Variants in RAB36 observed in about 807,000 individuals in gnomAD.
The protein encoded by RAB36 is ras-related protein Rab-36.
In RAB36, 33 loss-of-function variants were observed where a neutral mutation model predicts 39.3. That is an observed-to-expected ratio of 0.84 (90% confidence interval 0.64 to 1.12). The LOEUF (loss-of-function observed/expected upper bound fraction) is 1.12. Among genes scored for constraint, RAB36 ranks in the 50% most tolerant of loss-of-function variants. The pLI, the probability that RAB36 is intolerant of heterozygous loss-of-function variation, is 0.00. For missense variants in RAB36, 308 were observed against 355.3 expected, an observed-to-expected ratio of 0.87 and a Z score of 1.07; for synonymous variants, 133 against 140.2, an observed-to-expected ratio of 0.95 and a Z score of 0.36.
chr22:23,146,999 A>G (rs922087042), intron 2 of RAB36, among the ~76,000 whole-genome samples: 2 of 152,226 alleles, frequency 1.3e-5, no homozygotes, highest in Admixed American at 1.3e-4. Context: ...TCAACCTCTC[A>G]GAGCCACTGT....
At position 23,164,663 on chromosome 22, in the gene RAB36, G is replaced by T. The variant is rs950200698; in HGVS notation, c.*3099G>T. Among the ~76,000 whole-genome samples, 6 of 152,186 alleles carry T rather than the reference G, an allele frequency of 3.9e-5. No individual in the cohort carries two copies. The highest frequency in any genetic ancestry group is 1.4e-4 in the African/African-American group (6 of 41,442). On this transcript the variant is annotated 3_prime_UTR_variant, in exon 11 of 11. Coordinates refer to ENST00000263116, the MANE Select transcript of RAB36 (RefSeq NM_004914.5). ...CAGGCAAGCAGCCCCCTGCAGCCAA[G>T]GTGCGGCAATGACCACAGTGACCGC... is the stretch of plus-strand genomic sequence containing the variant.
At position 23,162,091 on chromosome 22, in the gene RAB36, T is replaced by C. The variant is rs1240448331; in HGVS notation, c.*527T>C. 4 of 166,832 alleles carry C rather than the reference T, an allele frequency of 2.4e-5. No individual in the cohort carries two copies. The highest frequency in any genetic ancestry group is 2.3e-4 in the Admixed American group (4 of 17,578). 10.3% of individuals were successfully genotyped at this position (166,832 alleles called of 1,614,324 possible). ...AGTTTTCTGTTGTCAGCAGGACTTA[T>C]GGTTCTGGGTCTCAGAGCTTCAGGC... On this transcript the variant is annotated 3_prime_UTR_variant, in exon 11 of 11. Coordinates refer to ENST00000263116, the MANE Select transcript of RAB36 (RefSeq NM_004914.5).
intron 5 of RAB36, chr22:23,153,565 T>G (rs1470198962): frequency 1.0e-5 from 10 of 985,158 alleles, no homozygotes; most frequent in Non-Finnish European, 1.2e-5. Context: ...ATGCCAGGCT[T>G]GGGCAAGGAG....
rs2071955987 is a variant in RAB36 at position 23,163,874 on chromosome 22, A to C, written c.*2310A>C. 1 of 152,188 alleles carries C rather than the reference A, an allele frequency of 6.6e-6. No homozygotes were observed. Among genetic ancestry groups the C allele is most frequent in the Non-Finnish European group, 1.5e-5 (1 of 68,044 alleles). 9.4% of individuals were successfully genotyped at this position (152,188 alleles called of 1,614,324 possible). A position where few individuals can be genotyped will look rare whatever the true frequency, so the allele number is the denominator to read the frequency against. On this transcript the variant is annotated 3_prime_UTR_variant, in exon 11 of 11. Coordinates refer to ENST00000263116, the MANE Select transcript of RAB36 (RefSeq NM_004914.5). ...GGCGCCAAGGCCTCTCCCTGATGGCACACAAGGAGCCTCCTTCCTGTAGCA... is the reference window on the plus strand; with the variant it reads ...GGCGCCAAGGCCTCTCCCTGATGGCCCACAAGGAGCCTCCTTCCTGTAGCA...
At chr22:23,148,581 TAGTC>T (rs1269455882) in intron 2 of RAB36, among the ~76,000 whole-genome samples, 1 of 152,166 alleles carries the variant, frequency 6.6e-6, no homozygotes, top group African/African-American at 2.4e-5. Context: ...CTGCCCATAA[TAGTC>T]AGGGATCAAG....
intron 5 of RAB36, among the ~76,000 whole-genome samples, chr22:23,154,149 ACCTGGAGAAT>A (rs1319415788): frequency 1.3e-5 from 2 of 148,790 alleles, no homozygotes; most frequent in Non-Finnish European, 3.0e-5. Flanking sequence ...CTGCCCCGGC[ACCTGGAGAAT>A]GCTGCAGGCC....
rs910641067 is a variant in RAB36, at chr22:23,165,572, G to A, written c.*4008G>A. On this transcript the variant is annotated 3_prime_UTR_variant, in exon 11 of 11. Coordinates refer to ENST00000263116, the MANE Select transcript of RAB36 (RefSeq NM_004914.5). The stretch of plus-strand genomic sequence containing the variant: ...GGGCACAGGAAAGAATTGGACTTCG[G>A]GCAGAAAAATGTTTGTGCTATTTAG... Among the ~76,000 whole-genome samples, 3 of 152,186 alleles carry A rather than the reference G, an allele frequency of 2.0e-5. No homozygotes were observed. Among genetic ancestry groups the A allele is most frequent in the Non-Finnish European group, 4.4e-5 (3 of 68,036 alleles).
chr22:23,152,768 G>A (rs1334376134), intron 4 of RAB36, among the ~76,000 whole-genome samples: 3 of 152,176 alleles, frequency 2.0e-5, no homozygotes, highest in African/African-American at 7.2e-5. Context: ...CTGGGGCCAC[G>A]GGCTCTCCCC....
At chr22:23,167,373 T>C (rs2072069170), downstream of RAB36, among the ~76,000 whole-genome samples, 1 of 152,190 alleles carries the variant, frequency 6.6e-6, no homozygotes, top group Non-Finnish European at 1.5e-5. Context: ...CCAGCAGCCA[T>C]GGTTGACAGA....
intron 3 of RAB36, among the ~76,000 whole-genome samples, chr22:23,151,857 AG>A (rs2071151340): frequency 1.3e-5 from 2 of 152,210 alleles, no homozygotes; most frequent in South Asian, 4.1e-4. Context: ...CTCAAGCCAC[AG>A]CCCGGATGCA....
intron 6 of RAB36, among the ~76,000 whole-genome samples, chr22:23,157,208 C>T (rs1180299950): frequency 3.3e-5 from 5 of 151,878 alleles, no homozygotes; most frequent in Non-Finnish European, 7.4e-5. Context: ...ACCATCACTG[C>T]TGTAGCTGCT....
At position 23,157,932 on chromosome 22, in the gene RAB36, G is replaced by A. The variant is rs551440638; in HGVS notation, c.395-60G>A. On this transcript the variant is annotated intron_variant, in intron 6 of 10. Coordinates refer to ENST00000263116, the MANE Select transcript of RAB36 (RefSeq NM_004914.5). ...CCTTGGGAGCTGGGCACCTCCTGGG[G>A]AGCCCCCTTGCTCGCCTCGCCTGGC... The A allele has an allele frequency of 1.2e-4, 191 of 1,609,618 alleles. 2 individuals are homozygous for A. The South Asian group carries it at 1.6e-3, about 13-fold the overall frequency.
At chr22:23,157,080 C>T (rs2071493044) in intron 6 of RAB36, among the ~76,000 whole-genome samples, 1 of 152,186 alleles carries the variant, frequency 6.6e-6, no homozygotes, top group South Asian at 2.1e-4. Flanking sequence ...CCCCTCAGGA[C>T]CCCAACAGGA....
chr22:23,165,598 T>C lies in RAB36; in HGVS notation c.*4034T>C, dbSNP rs1317129468. On this transcript the variant is annotated 3_prime_UTR_variant, in exon 11 of 11. Coordinates refer to ENST00000263116, the MANE Select transcript of RAB36 (RefSeq NM_004914.5). ...GCAGAAAAATGTTTGTGCTATTTAGTACTATGTAACAAATCACTCCAAAAC... is the reference window on the plus strand; with the variant it reads ...GCAGAAAAATGTTTGTGCTATTTAGCACTATGTAACAAATCACTCCAAAAC... Among the ~76,000 whole-genome samples, 2 of 152,222 alleles carry C rather than the reference T, an allele frequency of 1.3e-5. No homozygotes were observed. Among genetic ancestry groups the C allele is most frequent in the East Asian group, 3.8e-4 (2 of 5,196 alleles).
chr22:23,158,960 G>A lies in RAB36; in HGVS notation c.509G>A (p.Gly170Glu), dbSNP rs760429643. The stretch of plus-strand genomic sequence containing the variant: ...GGCTCCTGCTTCATCTTCCTCGTGG[G>A]AACCAAGAAGGACCTTCTGGTGAGC... ...EAGSCFIFLV[G>E]TKKDLLSGAA... The change falls in exon 8 of 11, where the codon GGA (glycine) becomes GAA (glutamate). Residue 170 changes from glycine to glutamate, a missense_variant. Transcript: ENST00000263116. 8.1e-6 allele frequency: 13 copies of A among 1,614,074 alleles called. No homozygotes were observed. The African/African-American group carries it at 1.7e-4, about 22-fold the overall frequency.
chr22:23,151,992 A>G (rs552969235), intron 3 of RAB36, among the ~76,000 whole-genome samples: 1 of 152,308 alleles, frequency 6.6e-6, no homozygotes, highest in Non-Finnish European at 1.5e-5. Flanking sequence ...CGGAGCCCAC[A>G]TCGGCGCACA....
intron 6 of RAB36, among the ~76,000 whole-genome samples, chr22:23,157,265 T>C (rs1195935489): frequency 2.0e-5 from 3 of 152,034 alleles, no homozygotes; most frequent in East Asian, 3.9e-4. Context: ...TTTTTTTTTT[T>C]TTTGAGCCTG....
chr22:23,147,994 C>T (rs752711095), intron 2 of RAB36, among the ~76,000 whole-genome samples: 2 of 151,842 alleles, frequency 1.3e-5, no homozygotes, highest in Admixed American at 1.3e-4. Context: ...ATATATAAGC[C>T]CCTACTCTCA....
chr22:23,154,631 C>T (rs2071357218), intron 5 of RAB36, among the ~76,000 whole-genome samples: 1 of 152,182 alleles, frequency 6.6e-6, no homozygotes, highest in African/African-American at 2.4e-5. Flanking sequence ...CATTAGAGGG[C>T]CCTGGACAAA....
Sources: gnomAD v4.1 joint callset for allele counts (sites outside exome capture counted in the v4.1 genomes callset) on GRCh38, gnomAD v4.1.1 for gene constraint, MANE v1.5 for transcripts, NCBI Gene and HGNC (gene_info 2026-07-23, HGNC 2026-07-21) for gene names.